Variants in TNFRSF10D observed in about 807,000 individuals in gnomAD.
The protein encoded by TNFRSF10D is TNF receptor superfamily member 10d, also known as tumor necrosis factor receptor superfamily member 10D.
Under a neutral mutation model 42.1 loss-of-function variants are expected in TNFRSF10D, and 28 were observed. The observed-to-expected ratio is 0.66, with a 90% CI of 0.49 to 0.91. TNFRSF10D has a LOEUF of 0.91. Ranked by LOEUF, TNFRSF10D falls within the 40% of genes least tolerant of loss-of-function variation. TNFRSF10D has a pLI of 0.00. For synonymous variants in TNFRSF10D, 186 were observed against 189.4 expected (o/e 0.98, Z 0.15); for missense variants, 503 against 486.1 (o/e 1.03, Z -0.33).
intron 3 of TNFRSF10D, among the ~76,000 whole-genome samples, chr8:23,148,018 T>C (rs1486009048): frequency 2.9e-5 from 4 of 138,078 alleles, no homozygotes; most frequent in Non-Finnish European, 4.5e-5. Flanking sequence ...TGAGCCGAGA[T>C]CGCGCCACTG....
At chr8:23,157,400 C>A (rs942168013) in intron 1 of TNFRSF10D, among the ~76,000 whole-genome samples, 2 of 152,186 alleles carry the variant, frequency 1.3e-5, no homozygotes, top group African/African-American at 4.8e-5. Context: ...CCTATGGATA[C>A]TATTACTGAC....
intron 2 of TNFRSF10D, among the ~76,000 whole-genome samples, chr8:23,152,391 A>C (rs921675257): frequency 1.3e-5 from 2 of 152,248 alleles, no homozygotes; most frequent in African/African-American, 2.4e-5. Context: ...ATTATACCCC[A>C]GGCTTTCCCA....
At chr8:23,149,046 C>T (rs572663445) in intron 2 of TNFRSF10D, among the ~76,000 whole-genome samples, 53 of 150,906 alleles carry the variant, frequency 3.5e-4, no homozygotes, top group Non-Finnish European at 5.2e-4. Context: ...AAAAATTAGC[C>T]GGGCGTGGTG....
chr8:23,142,495 A>C (rs1324844253), intron 7 of TNFRSF10D, among the ~76,000 whole-genome samples: 1 of 152,198 alleles, frequency 6.6e-6, no homozygotes, highest in Non-Finnish European at 1.5e-5. Flanking sequence ...TTAATGTAGG[A>C]ACGCAAAACC....
At chr8:23,158,005 G>A (rs776954820) in intron 1 of TNFRSF10D, among the ~76,000 whole-genome samples, 3 of 152,222 alleles carry the variant, frequency 2.0e-5, no homozygotes, top group South Asian at 2.1e-4. Context: ...GATTTCAGGA[G>A]TGGGGAGAAG....
chr8:23,142,934 G>A (rs4872059), intron 7 of TNFRSF10D, among the ~76,000 whole-genome samples: 9,166 of 152,092 alleles, frequency 0.06, 899 homozygotes, highest in African/African-American at 0.21. Context: ...TGGAGGAAGT[G>A]TTAGGGGACT....
rs1585266500 is a variant in TNFRSF10D, at chr8:23,160,085, T to G, written c.150+3701A>C. Among the ~76,000 whole-genome samples, 3 of 152,226 alleles carry G rather than the reference T, an allele frequency of 2.0e-5. 1 individual carries two copies. Among genetic ancestry groups the G allele is most frequent in the Admixed American group, 2.0e-4 (3 of 15,286 alleles). On this transcript the variant is annotated intron_variant, in intron 1 of 8. Transcript: ENST00000312584. The stretch of plus-strand genomic sequence containing the variant: ...CTGGAGGAGGGGGAGGCAATGGTGG[T>G]GAGATATCAGGCCTCCCTCATGCTA...
chr8:23,138,456 GTAAA>G (rs1479452770), intron 7 of TNFRSF10D, among the ~76,000 whole-genome samples, 196 bp from the exon 8 acceptor site: 918 of 152,220 alleles, frequency 6.0e-3, no homozygotes, highest in African/African-American at 0.019. Flanking sequence ...GTGACATGCA[GTAAA>G]TGCTCACTTT....
rs1800083611 is a variant in TNFRSF10D at position 23,144,554 on chromosome 8, A to G, written c.850T>C (p.Tyr284His). 6.2e-7 allele frequency: 1 copy of G among 1,614,156 alleles called. No individual in the cohort carries two copies. The highest frequency in any genetic ancestry group is 8.5e-7 in the Non-Finnish European group (1 of 1,180,002). ...NARNETLSNR[Y>H]LQPTQVSEQE... is the part of the protein sequence containing the mutation. ...TCAGAGACCTGGGTGGGCTGCAAGTATCTGTTACTCAGGGTCTCGTTGCGG... is the reference window on the plus strand; with the variant it reads ...TCAGAGACCTGGGTGGGCTGCAAGTGTCTGTTACTCAGGGTCTCGTTGCGG... The change falls in exon 7 of 9, where the codon TAC becomes CAC. Residue 284 changes from tyrosine (Y) to histidine (H), a missense_variant. Coordinates refer to ENST00000312584, the MANE Select transcript of TNFRSF10D (RefSeq NM_003840.5).
intron 2 of TNFRSF10D, among the ~76,000 whole-genome samples, chr8:23,149,082 C>T (rs1374260355): frequency 2.7e-5 from 4 of 146,282 alleles, no homozygotes; most frequent in Non-Finnish European, 6.0e-5. Flanking sequence ...CCTAGCTACT[C>T]GGGAGGCTGA....
Position 23,145,862 on chromosome 8 carries a change from T to G in TNFRSF10D, c.542A>C (p.Lys181Thr). The change falls in exon 5 of 9, where the codon AAA (lysine) becomes ACA (threonine). Residue 181 changes from lysine (K) to threonine (T), a missense_variant. By Grantham distance (78) the Lys-to-Thr change is moderately conservative. Coordinates refer to ENST00000312584, the MANE Select transcript of TNFRSF10D (RefSeq NM_003840.5). ...AGTGGAACTGGCAGCTGATTCATTT[T>G]TGCACTTGATGTCACTCCGGGGCGT... ...NCTPRSDIKC[K>T]NESAASSTGK... is the part of the protein sequence containing the mutation. The G allele has an allele frequency of 6.2e-7, 1 of 1,614,192 alleles. No homozygotes were observed. Among genetic ancestry groups the G allele is most frequent in the Non-Finnish European group, 8.5e-7 (1 of 1,180,032 alleles).
At chr8:23,147,667 C>G (rs1482062418) in intron 3 of TNFRSF10D, among the ~76,000 whole-genome samples, 1 of 152,186 alleles carries the variant, frequency 6.6e-6, no homozygotes, top group East Asian at 1.9e-4. Flanking sequence ...TGGCTCACAC[C>G]TGTAATCACA....
At chr8:23,148,680 C>T (rs1469395682) in intron 2 of TNFRSF10D, 129 bp from the exon 3 acceptor site, 1 of 599,238 alleles carries the variant, frequency 1.7e-6, no homozygotes, top group Non-Finnish European at 3.0e-6. Context: ...TTGGCTTGGT[C>T]TTGTCATCAA....
chr8:23,163,756 C>G, intron 1 of TNFRSF10D, 30 bp downstream of exon 1: 1 of 1,603,276 alleles, frequency 6.2e-7, no homozygotes. Context: ...GTGCGCTCTT[C>G]CCCAGCCAGG....
At chr8:23,151,922 G>C (rs968346977) in intron 2 of TNFRSF10D, among the ~76,000 whole-genome samples, 2 of 152,016 alleles carry the variant, frequency 1.3e-5, no homozygotes, top group Admixed American at 6.5e-5. Flanking sequence ...CTTGCCCTGG[G>C]GGGGATCCAG....
At chr8:23,157,674 A>G (rs1250502414) in intron 1 of TNFRSF10D, among the ~76,000 whole-genome samples, 1 of 152,156 alleles carries the variant, frequency 6.6e-6, no homozygotes, top group African/African-American at 2.4e-5. Context: ...TTTTTGCATC[A>G]TGTGTTCTGC....
In TNFRSF10D at chr8:23,163,838, AGGAGCCATG is replaced by A; in HGVS notation, c.89_97del (p.Pro30_Leu32del). 1 of 1,607,612 alleles carries A rather than the reference AGGAGCCATG, an allele frequency of 6.2e-7. No homozygotes were observed. Among genetic ancestry groups the A allele is most frequent in the Non-Finnish European group, 8.5e-7 (1 of 1,178,188 alleles). ...GACGAACTTAAGGATCTTGGGGTCC[AGGAGCCATG>A]GTCTGGTTCCCGACGCTGTCCTGGC... is the stretch of plus-strand genomic sequence containing the variant. On this transcript the variant is annotated inframe_deletion, in exon 1 of 9. Coordinates refer to ENST00000312584, the MANE Select transcript of TNFRSF10D (RefSeq NM_003840.5).
intron 1 of TNFRSF10D, among the ~76,000 whole-genome samples, chr8:23,156,261 G>A (rs897214672): frequency 6.6e-6 from 1 of 152,032 alleles, no homozygotes; most frequent in Non-Finnish European, 1.5e-5. Context: ...TAATTTAATT[G>A]TAAATTTACA....
chr8:23,142,912 A>G (rs867525580), intron 7 of TNFRSF10D, among the ~76,000 whole-genome samples: 1 of 152,182 alleles, frequency 6.6e-6, no homozygotes, highest in Non-Finnish European at 1.5e-5. Flanking sequence ...TGAATGAAGA[A>G]GGGCTGGGGG....
Sources: gnomAD v4.1 joint callset for allele counts (sites outside exome capture counted in the v4.1 genomes callset) on GRCh38, gnomAD v4.1.1 for gene constraint, MANE v1.5 for transcripts, NCBI Gene and HGNC (gene_info 2026-07-23, HGNC 2026-07-21) for gene names.